OSBP2: variants seen among roughly 807,000 people sequenced by gnomAD.
OSBP2 encodes the protein oxysterol-binding protein 2.
A neutral mutation model predicts 96.0 loss-of-function variants in OSBP2; 66 were observed. The ratio of observed to expected loss-of-function variants is 0.69; its 90% confidence interval spans 0.56 to 0.84. The LOEUF is 0.84. Among genes scored for constraint, OSBP2 ranks in the 40% least tolerant of loss-of-function variants. OSBP2 has a pLI of 0.00. For synonymous variants in OSBP2, 525 were observed against 520.9 expected, an observed-to-expected ratio of 1.01 and a Z score of -0.11; for missense variants, 1,038 against 1,222.7, an observed-to-expected ratio of 0.85 and a Z score of 2.25.
At position 30,833,224 on chromosome 22, in the gene OSBP2, GCCAGCCGT is replaced by G. The variant is rs1341962753; in HGVS notation, c.854-37202_854-37195del. 5.9e-5 allele frequency among the ~76,000 whole-genome samples: 9 copies of G among 152,310 alleles called. No individual in the cohort carries two copies. In the East Asian group the frequency reaches 1.5e-3, roughly 26 times the overall value. ...AACTGTACAGCTAGGAAGGCATGGA[GCCAGCCGT>G]CCGCTGTTAGAGATTAGAGGACATA... On this transcript the variant is annotated intron_variant, in intron 2 of 13. Transcript: ENST00000332585.
intron 2 of OSBP2, among the ~76,000 whole-genome samples, chr22:30,802,658 C>A (rs1569130052): frequency 6.6e-6 from 1 of 152,228 alleles, no homozygotes; most frequent in Non-Finnish European, 1.5e-5. Flanking sequence ...GCCCTCTGGG[C>A]GAGAGAAGAA....
rs190041840 is a variant in OSBP2 at position 30,762,350 on chromosome 22, C to T, written c.853+20981C>T. Among the ~76,000 whole-genome samples the T allele has an allele frequency of 2.5e-4, 38 of 152,170 alleles. No individual in the cohort carries two copies. The East Asian group carries it at 6.8e-3, about 27-fold the overall frequency. ...GGACCACGAGGTCAGGAGATCGAGA[C>T]ATCCTGGCTAACACGGTGTAACCCT... is the stretch of plus-strand genomic sequence containing the variant. On this transcript the variant is annotated intron_variant, in intron 2 of 13. Coordinates refer to ENST00000332585, the MANE Select transcript of OSBP2 (RefSeq NM_030758.4).
At chr22:30,822,930 G>A (rs1034643071) in intron 2 of OSBP2, among the ~76,000 whole-genome samples, 2 of 152,188 alleles carry the variant, frequency 1.3e-5, no homozygotes, top group African/African-American at 4.8e-5. Context: ...AGGGGGCTGC[G>A]GCTAGAGACT....
At chr22:30,902,216 G>GC (rs1250361405) in intron 12 of OSBP2, 7 of 1,373,346 alleles carry the variant, frequency 5.1e-6, no homozygotes, top group East Asian at 4.8e-5. Context: ...CGCTCACAGA[G>GC]CCCCACACAC....
intron 2 of OSBP2, among the ~76,000 whole-genome samples, chr22:30,742,895 A>G (rs1022008140): frequency 6.6e-6 from 1 of 152,164 alleles, no homozygotes; most frequent in Non-Finnish European, 1.5e-5. Context: ...TACATTTGTA[A>G]TTCTTCAAGG....
intron 3 of OSBP2, chr22:30,872,271 G>A (rs2039474327): frequency 2.2e-6 from 1 of 456,548 alleles, no homozygotes; most frequent in Non-Finnish European, 4.4e-6. Flanking sequence ...AGCACTGAAT[G>A]ACATAATAAT....
At chr22:30,696,811 G>T (rs564679745) in intron 1 of OSBP2, among the ~76,000 whole-genome samples, 1 of 151,900 alleles carries the variant, frequency 6.6e-6, no homozygotes, top group Non-Finnish European at 1.5e-5. Context: ...CCGTCACCAT[G>T]CCCGGCTAAT....
intron 3 of OSBP2, among the ~76,000 whole-genome samples, chr22:30,873,095 T>C (rs916190950): frequency 1.3e-5 from 2 of 152,170 alleles, no homozygotes; most frequent in Non-Finnish European, 2.9e-5. Context: ...ACAGCCTGGT[T>C]AGCACCTTGA....
At chr22:30,751,834 A>G (rs2090076954) in intron 2 of OSBP2, among the ~76,000 whole-genome samples, 1 of 152,200 alleles carries the variant, frequency 6.6e-6, no homozygotes, top group Non-Finnish European at 1.5e-5. Context: ...CTTATGTCCA[A>G]CAACATGTGT....
chr22:30,862,635 G>GT (rs1569155072), intron 2 of OSBP2, among the ~76,000 whole-genome samples: 3 of 145,836 alleles, frequency 2.1e-5, no homozygotes, highest in Non-Finnish European at 3.0e-5. Context: ...AGCCGAGATC[G>GT]TGCCACTGTA....
At chr22:30,737,315 C>CTTT (rs34541516) in intron 1 of OSBP2, among the ~76,000 whole-genome samples, 12 of 110,406 alleles carry the variant, frequency 1.1e-4, no homozygotes, top group East Asian at 5.6e-4. Context: ...TGCGCCCGGC[C>CTTT]TTTTTTTTTT....
At chr22:30,710,464 G>A (rs891012093) in intron 1 of OSBP2, among the ~76,000 whole-genome samples, 2 of 152,020 alleles carry the variant, frequency 1.3e-5, no homozygotes, top group Admixed American at 6.6e-5. Flanking sequence ...CATGTTGTCC[G>A]GCCATGTCTT....
At chr22:30,698,873 A>C (rs1420014916) in intron 1 of OSBP2, among the ~76,000 whole-genome samples, 2 of 151,992 alleles carry the variant, frequency 1.3e-5, no homozygotes, top group African/African-American at 4.8e-5. Flanking sequence ...GTCGCCATGC[A>C]CTTTTCTCCC....
chr22:30,716,188 C>CAG (rs2089453115), intron 1 of OSBP2, among the ~76,000 whole-genome samples: 1 of 151,332 alleles, frequency 6.6e-6, no homozygotes, highest in Non-Finnish European at 1.5e-5. Flanking sequence ...ATTACAGGTG[C>CAG]CTGCCACCAC....
At position 30,854,889 on chromosome 22, in the gene OSBP2, A is replaced by G. The variant is rs2039049914; in HGVS notation, c.854-15540A>G. 1.3e-5 allele frequency among the ~76,000 whole-genome samples: 2 copies of G among 152,218 alleles called. 1 individual carries two copies. Among genetic ancestry groups the G allele is most frequent in the South Asian group, 4.1e-4 (2 of 4,832 alleles). ...TCAGCATGGCTGGGGAGGCCTCAAG[A>G]AACTTACAGTCGTGGTGGAAGGGGA... On this transcript the variant is annotated intron_variant, in intron 2 of 13. Transcript: ENST00000332585.
intron 2 of OSBP2, among the ~76,000 whole-genome samples, chr22:30,816,950 A>AT (rs941190736): frequency 5.3e-5 from 8 of 152,026 alleles, no homozygotes; most frequent in Non-Finnish European, 1.2e-4. Context: ...GGTCAGGTTG[A>AT]TTTTGAACTC....
chr22:30,773,560 C>CTG (rs2090385345), intron 2 of OSBP2, among the ~76,000 whole-genome samples: 2 of 152,184 alleles, frequency 1.3e-5, no homozygotes, highest in Non-Finnish European at 2.9e-5. Context: ...TGCCCAGTGC[C>CTG]TACCACCCTG....
intron 2 of OSBP2, among the ~76,000 whole-genome samples, chr22:30,798,990 G>A (rs898911785): frequency 4.0e-5 from 6 of 150,752 alleles, no homozygotes. Context: ...CTCCAGCCTG[G>A]GTGACAGAGT....
chr22:30,882,674 C>T (rs868613809), intron 3 of OSBP2, among the ~76,000 whole-genome samples: 32 of 152,274 alleles, frequency 2.1e-4, no homozygotes, highest in Non-Finnish European at 1.9e-4. Context: ...GGGCCACACT[C>T]AGGGCCCTGG....
Sources: allele counts gnomAD v4.1 joint callset (sites outside exome capture counted in the v4.1 genomes callset), GRCh38; gene constraint gnomAD v4.1.1; transcripts MANE v1.5; gene names NCBI Gene and HGNC (gene_info 2026-07-23, HGNC 2026-07-21).